The following POLR2F variants were observed in gnomAD, a reference collection of about 807,000 sequenced individuals.
POLR2F encodes the protein RNA polymerase II, I and III subunit F, also known as DNA-directed RNA polymerases I, II, and III subunit RPABC2.
In POLR2F, 12 loss-of-function variants were observed where a neutral mutation model predicts 22.7. The ratio of observed to expected loss-of-function variants is 0.53; its 90% confidence interval spans 0.34 to 0.86. The LOEUF (loss-of-function observed/expected upper bound fraction) is 0.86, where lower values mean the gene tolerates loss of function less well. POLR2F is among the 40% of genes least tolerant of loss of function. The pLI is 0.02. For synonymous variants in POLR2F, 57 were observed against 66.0 expected (o/e 0.86, Z 0.66); for missense variants, 126 against 171.5 (o/e 0.73, Z 1.48).
chr22:37,982,026 C>T (rs905155330), upstream of POLR2F, among the ~76,000 whole-genome samples: 2 of 152,206 alleles, frequency 1.3e-5, no homozygotes, highest in African/African-American at 4.8e-5. Context: ...AATCTCTACC[C>T]AACTGTGGCT....
chr22:37,982,041 A>C (rs542505929), upstream of POLR2F, among the ~76,000 whole-genome samples: 42 of 152,180 alleles, frequency 2.8e-4, no homozygotes, highest in South Asian at 8.3e-4. Flanking sequence ...GTGGCTGGCA[A>C]GGGGGAGGGC....
At chr22:38,036,010 C>G (rs1180625368) in intron 5 of POLR2F, among the ~76,000 whole-genome samples, 2 of 144,314 alleles carry the variant, frequency 1.4e-5, no homozygotes, top group African/African-American at 5.2e-5. Context: ...GAGTCTCGAT[C>G]TGTTGCGCAG....
At chr22:38,040,299 A>G (rs1315367771) in intron 5 of POLR2F, 1 of 152,074 alleles carries the variant, frequency 6.6e-6, no homozygotes, top group African/African-American at 2.4e-5. Context: ...AAAAAAAAAA[A>G]AAAAAAGAAA....
chr22:37,958,681 A>T (rs892389683), intron 2 of POLR2F, among the ~76,000 whole-genome samples: 2 of 152,070 alleles, frequency 1.3e-5, no homozygotes, highest in African/African-American at 4.8e-5. Context: ...CTCAAGCCTC[A>T]TCCCTGGAGT....
downstream of POLR2F, among the ~76,000 whole-genome samples, chr22:37,972,077 A>C (rs62235113): frequency 9.2e-6 from 1 of 108,700 alleles, no homozygotes; most frequent in Admixed American, 1.1e-4. Flanking sequence ...AGAGAGAGAA[A>C]GGAGAGGGGG....
In POLR2F at chr22:38,017,208, G is replaced by T. The variant is rs2084923150; in HGVS notation, c.121-8661G>T. Reference sequence around the variant, plus strand: ...AAGCCTGCAAAACTGGTGTGCTGGGGAAGAAAGGCTCCTCTGGGGGTTTTG... The same window carrying T: ...AAGCCTGCAAAACTGGTGTGCTGGGTAAGAAAGGCTCCTCTGGGGGTTTTG... On this transcript the variant is annotated intron_variant, in intron 1 of 2. Coordinates refer to the POLR2F transcript ENST00000333418. The surrounding 1 kb of genome is among the most constrained non-coding windows in gnomAD (Gnocchi z 4.1). Among the ~76,000 whole-genome samples the T allele has an allele frequency of 6.6e-6, 1 of 152,226 alleles. No homozygotes were observed. Among genetic ancestry groups the T allele is most frequent in the South Asian group, 2.1e-4 (1 of 4,836 alleles).
chr22:37,976,942 A>G (rs1932238824), intron 4 of POLR2F, among the ~76,000 whole-genome samples: 1 of 151,880 alleles, frequency 6.6e-6, no homozygotes, highest in Non-Finnish European at 1.5e-5. Context: ...CGAGGCGGGC[A>G]GATTGCCTGA....
downstream of POLR2F, chr22:38,041,905 T>A (rs950964792): frequency 6.6e-6 from 1 of 152,210 alleles, no homozygotes; most frequent in Non-Finnish European, 1.5e-5. Context: ...AAAGCTGTTA[T>A]CAAAAAGCAA....
chr22:38,018,573 C>G (rs1258303259), intron 1 of POLR2F, among the ~76,000 whole-genome samples: 3 of 152,138 alleles, frequency 2.0e-5, no homozygotes, highest in African/African-American at 7.2e-5. Context: ...TGTCATGGCT[C>G]CATCTGGGGC....
chr22:38,012,020 T>G (rs1438287674), intron 1 of POLR2F, among the ~76,000 whole-genome samples: 2 of 151,912 alleles, frequency 1.3e-5, no homozygotes, highest in Non-Finnish European at 2.9e-5. Flanking sequence ...ATTTTATAAG[T>G]TTCATGTAGA....
downstream of POLR2F, among the ~76,000 whole-genome samples, chr22:38,028,453 C>T (rs992008778): frequency 6.6e-6 from 1 of 152,062 alleles, no homozygotes; most frequent in African/African-American, 2.4e-5. Context: ...TACGGGGGCT[C>T]ATGACCCTCT....
intron 1 of POLR2F, chr22:37,987,507 C>T (rs1253566981): frequency 8.4e-6 from 3 of 355,366 alleles, no homozygotes; most frequent in African/African-American, 2.1e-5. Flanking sequence ...CCTGGTCCCT[C>T]ACCTGTCACG....
upstream of POLR2F, chr22:37,983,826 C>G (rs1932486953): frequency 1.4e-5 from 19 of 1,363,696 alleles, no homozygotes; most frequent in South Asian, 2.5e-4. This position sits in a 1 kb window ranked among gnomAD's most constrained non-coding sequence, Gnocchi z 9.5. Flanking sequence ...GCCGCCTCCC[C>G]CGGGCCAGCC....
upstream of POLR2F, among the ~76,000 whole-genome samples, chr22:37,982,608 G>T (rs1245502332): frequency 5.9e-5 from 9 of 152,188 alleles, no homozygotes. Flanking sequence ...CTCTGGGGCA[G>T]TGGGGAAGAG....
chr22:37,990,345 C>T (rs1370283228), intron 1 of POLR2F, among the ~76,000 whole-genome samples: 2 of 152,270 alleles, frequency 1.3e-5, no homozygotes, highest in Non-Finnish European at 2.9e-5. Context: ...CAACTCCATC[C>T]TTTCTGGAAA....
At chr22:38,011,730 G>A (rs748191314) in intron 1 of POLR2F, among the ~76,000 whole-genome samples, 50 of 151,792 alleles carry the variant, frequency 3.3e-4, no homozygotes, top group Non-Finnish European at 5.7e-4. Context: ...TCCTGTACTA[G>A]TCTGGATCCT....
chr22:38,009,461 C>A (rs7292540), intron 1 of POLR2F, among the ~76,000 whole-genome samples: 3,241 of 152,260 alleles, frequency 0.021, 120 homozygotes, highest in African/African-American at 0.075. Flanking sequence ...TACACAGTTT[C>A]CTGGTTGGGT....
chr22:38,015,416 C>T (rs2084907662), intron 1 of POLR2F, among the ~76,000 whole-genome samples: 1 of 152,110 alleles, frequency 6.6e-6, no homozygotes, highest in Admixed American at 6.5e-5. Flanking sequence ...TGAGCTTGAA[C>T]CTGAAGGAAC....
chr22:37,988,428 A>G (rs1932647425), intron 1 of POLR2F: 1 of 151,918 alleles, frequency 6.6e-6, no homozygotes, highest in African/African-American at 2.4e-5. Flanking sequence ...AGGCGGGCAG[A>G]TCACCTGAGG....
Sources: allele counts gnomAD v4.1 joint callset (sites outside exome capture counted in the v4.1 genomes callset), GRCh38; gene constraint gnomAD v4.1.1; non-coding constraint Gnocchi (gnomAD v3.1); transcripts MANE v1.5; gene names NCBI Gene and HGNC (gene_info 2026-07-23, HGNC 2026-07-21).